The following NOMO1 variants were observed in gnomAD, a reference collection of about 807,000 sequenced individuals.
NOMO1 encodes the protein NODAL modulator 1, also known as nodal modulator 3.
Under a neutral mutation model 133.8 loss-of-function variants are expected in NOMO1, and 40 were observed. That is an observed-to-expected ratio of 0.30 (90% confidence interval 0.23 to 0.39). The LOEUF (loss-of-function observed/expected upper bound fraction) is 0.39, where lower values mean the gene tolerates loss of function less well. NOMO1 is among the 10% of genes least tolerant of loss of function. The pLI is 1.00. For synonymous variants in NOMO1, 236 were observed against 570.5 expected, an observed-to-expected ratio of 0.41 and a Z score of 8.36; for missense variants, 462 against 1,419.9, an observed-to-expected ratio of 0.33 and a Z score of 10.84.
chr16:14,884,253 G>A lies in NOMO1; in HGVS notation c.3112-119G>A, dbSNP rs1051957129. The A allele has an allele frequency of 3.0e-5, 45 of 1,485,972 alleles. 1 individual carries two copies. Among genetic ancestry groups the A allele is most frequent in the Non-Finnish European group, 3.7e-5 (40 of 1,078,534 alleles). The allele number at this position is 1,485,972 out of a possible 1,614,324, so 92.0% of individuals were successfully genotyped here. On this transcript the variant is annotated intron_variant, in intron 26 of 30. Coordinates refer to ENST00000287667, the MANE Select transcript of NOMO1 (RefSeq NM_014287.4). ...CGTAGGGTACTCAATGACAAACTTC[G>A]CTTCCTTAATGTAAGAAGCAAAGTT...
intron 14 of NOMO1, among the ~76,000 whole-genome samples, chr16:14,866,338 G>C (rs1375379897): frequency 6.6e-6 from 1 of 150,810 alleles, no homozygotes; most frequent in African/African-American, 2.5e-5. Flanking sequence ...GGGATTATAG[G>C]CATGAGCCAC....
Position 14,876,386 on chromosome 16 carries a change from T to A in NOMO1, c.2384T>A (p.Ile795Asn). 6.2e-7 allele frequency: 1 copy of A among 1,611,238 alleles called. No individual in the cohort carries two copies. The highest frequency in any genetic ancestry group is 2.2e-5 in the East Asian group (1 of 44,812). ...AGCTGCCCAGGGAAGCTGATCGAGA[T>A]CCATGGGAAGGCAGGCCTGTTTTTA... ...GESCPGKLIE[I>N]HGKAGLFLEG... Residue 795 changes from isoleucine to asparagine, a missense_variant, in exon 21 of 31, where the codon ATC becomes AAC. Coordinates refer to ENST00000287667, the MANE Select transcript of NOMO1 (RefSeq NM_014287.4).
intron 18 of NOMO1, among the ~76,000 whole-genome samples, chr16:14,873,945 A>G (rs1964115132): frequency 6.6e-6 from 1 of 151,568 alleles, no homozygotes; most frequent in Non-Finnish European, 1.5e-5. Flanking sequence ...GGCCCAGCCA[A>G]TTCCCCAACA....
At chr16:14,871,574 T>C (rs1330824613) in intron 16 of NOMO1, 47 bp from the exon 17 acceptor site, 7 of 1,610,962 alleles carry the variant, frequency 4.3e-6, no homozygotes, top group Admixed American at 3.3e-5. Flanking sequence ...TTGCTCGGTG[T>C]AATAGATGCC....
At chr16:14,874,193 G>A (rs1017309626) in intron 18 of NOMO1, among the ~76,000 whole-genome samples, 6 of 151,840 alleles carry the variant, frequency 4.0e-5, no homozygotes, top group South Asian at 2.1e-4. Context: ...AGGAGCGAAC[G>A]ATTTCTTTTA....
intron 18 of NOMO1, among the ~76,000 whole-genome samples, chr16:14,873,007 G>A (rs201530068): frequency 0.049 from 5,739 of 117,078 alleles, 384 homozygotes; most frequent in East Asian, 0.32. Flanking sequence ...TTATCCATCC[G>A]TCATCCCTGC....
rs771640524 is a variant in NOMO1 at position 14,857,524 on chromosome 16, C to T, written c.1089C>T (p.Gly363=). 9.9e-6 allele frequency: 16 copies of T among 1,609,958 alleles called. No individual in the cohort carries two copies. Among genetic ancestry groups the T allele is most frequent in the African/African-American group, 1.4e-5 (1 of 73,826 alleles). ...NQIKVKTKAD[G]SFRLENITTG... The stretch of plus-strand genomic sequence containing the variant: ...TTACAGTTAAAACAAAAGCTGATGG[C>T]TCATTCCGCCTTGAGAACATAACCA... Residue 363 remains glycine, a synonymous_variant, in exon 11 of 31, where the codon GGC becomes GGT. Transcript: ENST00000287667.
chr16:14,867,767 A>G (rs1964025289), intron 15 of NOMO1, among the ~76,000 whole-genome samples: 1 of 149,858 alleles, frequency 6.7e-6, no homozygotes, highest in Non-Finnish European at 1.5e-5. Context: ...GCTTAATTAC[A>G]AAAACTCGAC....
At chr16:14,836,862 C>T (rs1352160324) in intron 1 of NOMO1, among the ~76,000 whole-genome samples, 29 of 150,944 alleles carry the variant, frequency 1.9e-4, no homozygotes, top group African/African-American at 6.1e-4. Context: ...CCCGCCACCG[C>T]GCCCGGCTAA....
intron 7 of NOMO1, among the ~76,000 whole-genome samples, 173 bp downstream of exon 7, chr16:14,852,755 C>T (rs1482795890): frequency 6.6e-6 from 1 of 151,602 alleles, no homozygotes; most frequent in African/African-American, 2.4e-5. Context: ...AATCCCAGCA[C>T]TTTGGGAGGC....
In NOMO1 at chr16:14,867,667, G is replaced by A. The variant is rs1404185714; in HGVS notation, c.1807-881G>A. ...CTATAATGTTTTGATGTCGAGCGGCGGCAGATGTCATCGTCAGGTCTTAGT... is the reference window on the plus strand; with the variant it reads ...CTATAATGTTTTGATGTCGAGCGGCAGCAGATGTCATCGTCAGGTCTTAGT... On this transcript the variant is annotated intron_variant, in intron 15 of 30. Transcript: ENST00000287667. Among the ~76,000 whole-genome samples the A allele has an allele frequency of 4.0e-5, 6 of 148,934 alleles. No homozygotes were observed. The East Asian group carries it at 7.9e-4, about 20-fold the overall frequency.
chr16:14,858,674 A>G (rs1402366145), intron 11 of NOMO1, among the ~76,000 whole-genome samples: 1 of 152,034 alleles, frequency 6.6e-6, no homozygotes, highest in African/African-American at 2.4e-5. Context: ...ACCTCCTCAC[A>G]CCCCACCGGG....
chr16:14,885,977 G>T (rs1964317791), intron 27 of NOMO1, among the ~76,000 whole-genome samples: 1 of 152,052 alleles, frequency 6.6e-6, no homozygotes, highest in Admixed American at 6.5e-5. Flanking sequence ...AATTCCCCTT[G>T]TGTGTTATGT....
chr16:14,884,739 C>T lies in NOMO1; in HGVS notation c.3222+257C>T, dbSNP rs538678902. Among the ~76,000 whole-genome samples, 4 of 151,852 alleles carry T rather than the reference C, an allele frequency of 2.6e-5. 1 individual carries two copies. The highest frequency in any genetic ancestry group is 5.9e-5 in the Non-Finnish European group (4 of 67,984). The stretch of plus-strand genomic sequence containing the variant: ...AACTGTCTGCCATCAGTTAATCTTC[C>T]AAAGAATTATAGTAGAAGCCTGATC... On this transcript the variant is annotated intron_variant, in intron 27 of 30. Transcript: ENST00000287667.
At chr16:14,889,263 G>A in intron 29 of NOMO1, 48 bp downstream of exon 29, 1 of 1,611,642 alleles carries the variant, frequency 6.2e-7, no homozygotes. Flanking sequence ...TGGGTTTGGT[G>A]GCTCACGCCT....
chr16:14,843,683 T>C (rs1963638502), intron 3 of NOMO1, among the ~76,000 whole-genome samples: 1 of 150,298 alleles, frequency 6.7e-6, no homozygotes, highest in African/African-American at 2.5e-5. Context: ...AGATTCCTGT[T>C]CAAGTCTTTT....
chr16:14,879,972 G>A lies in NOMO1; in HGVS notation c.2758-43G>A, dbSNP rs570494312. 3.8e-5 allele frequency: 62 copies of A among 1,611,532 alleles called. 1 individual carries two copies. The Admixed American group carries it at 7.5e-4, about 20-fold the overall frequency. Reference sequence around the variant, plus strand: ...CATTCGCCCCTCACTTTTAAGCCATGCCTAGATGTGGCTGCTGAGGCTCAG... The same window carrying A: ...CATTCGCCCCTCACTTTTAAGCCATACCTAGATGTGGCTGCTGAGGCTCAG... On this transcript the variant is annotated intron_variant, in intron 23 of 30. Coordinates refer to ENST00000287667, the MANE Select transcript of NOMO1 (RefSeq NM_014287.4).
At chr16:14,888,299 G>A (rs1964356004) in intron 28 of NOMO1, 1 of 151,040 alleles carries the variant, frequency 6.6e-6, no homozygotes, top group Admixed American at 6.6e-5. Flanking sequence ...CAGGGGTGTT[G>A]AAATAGTCAC....
intron 3 of NOMO1, among the ~76,000 whole-genome samples, chr16:14,842,008 C>T (rs1963610353): frequency 6.6e-6 from 1 of 151,932 alleles, no homozygotes; most frequent in Non-Finnish European, 1.5e-5. Flanking sequence ...GGGGCTGGCA[C>T]GTAATTAGCA....
Sources: allele counts gnomAD v4.1 joint callset (sites outside exome capture counted in the v4.1 genomes callset), GRCh38; gene constraint gnomAD v4.1.1; transcripts MANE v1.5; gene names NCBI Gene and HGNC (gene_info 2026-07-23, HGNC 2026-07-21).